Variants in PTCHD4 observed in about 807,000 individuals in gnomAD.
The protein encoded by PTCHD4 is patched domain containing 4, also known as patched domain-containing protein 4.
PTCHD4 carries 33 observed loss-of-function variants against 58.1 expected under a neutral mutation model. That is an observed-to-expected ratio of 0.57 (90% confidence interval 0.43 to 0.76). The LOEUF is 0.76. Ranked by LOEUF, PTCHD4 falls within the 30% of genes least tolerant of loss-of-function variation. The pLI, the probability that PTCHD4 is intolerant of heterozygous loss-of-function variation, is 0.00. For synonymous variants in PTCHD4, 478 were observed against 409.6 expected (o/e 1.17, Z -2.02); for missense variants, 1,058 against 1,027.1 (o/e 1.03, Z -0.41).
rs1764863184 is a variant in PTCHD4 at position 48,068,213 on chromosome 6, T to C, written c.417+17A>G. 1.9e-6 allele frequency: 3 copies of C among 1,539,696 alleles called. No homozygotes were observed. Among genetic ancestry groups the C allele is most frequent in the East Asian group, 2.3e-5 (1 of 44,094 alleles). The stretch of plus-strand genomic sequence containing the variant: ...ACACAGATGGGAAAAAGTATAATTA[T>C]AGCCCTTGTGGTTCACCTTCATTTC... On this transcript the variant is annotated intron_variant, in intron 3 of 4. Transcript: ENST00000339488. The surrounding 1 kb of genome is among the most constrained non-coding windows in gnomAD (Gnocchi z 4.2).
intron 4 of PTCHD4, among the ~76,000 whole-genome samples, chr6:47,920,728 T>C (rs1328501650): frequency 2.0e-5 from 3 of 151,940 alleles, no homozygotes; most frequent in East Asian, 3.9e-4. Flanking sequence ...AAGACATAAG[T>C]CTGGACAAAC....
At chr6:47,945,822 A>AATAATAT (rs1766395526) in intron 4 of PTCHD4, among the ~76,000 whole-genome samples, 1 of 151,726 alleles carries the variant, frequency 6.6e-6, no homozygotes, top group Non-Finnish European at 1.5e-5. Flanking sequence ...AATTTTCTTC[A>AATAATAT]TAAAGCTCTT....
At chr6:48,032,075 A>ATT (rs572807864) in intron 3 of PTCHD4, among the ~76,000 whole-genome samples, 27,028 of 149,410 alleles carry the variant, frequency 0.18, 2,739 homozygotes, top group Non-Finnish European at 0.24. Context: ...AACCCCAGGC[A>ATT]TTTTTTTTTT....
At position 48,027,711 on chromosome 6, in the gene PTCHD4, C is replaced by T. The variant is rs377533567; in HGVS notation, c.418-18597G>A. Among the ~76,000 whole-genome samples the T allele has an allele frequency of 5.9e-5, 9 of 152,168 alleles. No homozygotes were observed. The East Asian group carries it at 1.4e-3, about 23-fold the overall frequency. On this transcript the variant is annotated intron_variant, in intron 3 of 4. Coordinates refer to ENST00000339488, the MANE Select transcript of PTCHD4 (RefSeq NM_001384253.1). ...AAATATATTTGGGTCTGTTGGTAAA[C>T]ATGAAGAATTGTACTATGAAGAAGT...
At position 48,058,357 on chromosome 6, in the gene PTCHD4, T is replaced by C. The variant is rs139680903; in HGVS notation, c.417+9873A>G. 3.0e-3 allele frequency among the ~76,000 whole-genome samples: 453 copies of C among 152,350 alleles called. 1 individual carries two copies. Among genetic ancestry groups the C allele is most frequent in the Non-Finnish European group, 4.9e-3 (331 of 68,026 alleles). ...GACTACACTTTGAGAACTACTGCTGTAGAATGATTATGGTCCGATGATTAA... is the reference window on the plus strand; with the variant it reads ...GACTACACTTTGAGAACTACTGCTGCAGAATGATTATGGTCCGATGATTAA... On this transcript the variant is annotated intron_variant, in intron 3 of 4. Coordinates refer to ENST00000339488, the MANE Select transcript of PTCHD4 (RefSeq NM_001384253.1).
intron 1 of PTCHD4, among the ~76,000 whole-genome samples, chr6:48,071,191 T>C (rs1038928541): frequency 2.0e-5 from 3 of 152,202 alleles, no homozygotes; most frequent in African/African-American, 7.2e-5. Context: ...GTCAGTGTTA[T>C]TGTCTTTTTT....
chr6:47,939,966 C>T (rs1766148425), intron 4 of PTCHD4, among the ~76,000 whole-genome samples: 1 of 151,956 alleles, frequency 6.6e-6, no homozygotes, highest in Admixed American at 6.6e-5. Flanking sequence ...GATCTGACTC[C>T]CCATAACAAA....
chr6:48,050,516 T>C (rs993061900), intron 3 of PTCHD4, among the ~76,000 whole-genome samples: 1 of 152,030 alleles, frequency 6.6e-6, no homozygotes, highest in South Asian at 2.1e-4. Flanking sequence ...CCAATCTGAG[T>C]GGACTTTAAC....
intron 4 of PTCHD4, among the ~76,000 whole-genome samples, chr6:47,979,477 TA>T (rs1185435841): frequency 5.9e-5 from 9 of 152,110 alleles, no homozygotes; most frequent in African/African-American, 2.2e-4. Flanking sequence ...AGCTATGTGA[TA>T]AAAAAGTGTA....
intron 3 of PTCHD4, among the ~76,000 whole-genome samples, chr6:48,009,815 C>A (rs148930972): frequency 0.01 from 1,581 of 152,272 alleles, 29 homozygotes; most frequent in African/African-American, 0.036. Flanking sequence ...TGACAGTAGA[C>A]AAATCCCCTA....
At chr6:48,109,452 C>T (rs1765815207) in intron 1 of PTCHD4, among the ~76,000 whole-genome samples, 1 of 151,970 alleles carries the variant, frequency 6.6e-6, no homozygotes, top group Non-Finnish European at 1.5e-5. Context: ...TTTAGTGAGA[C>T]CTGGAACTAT....
At chr6:47,990,151 G>T (rs1024946068) in intron 4 of PTCHD4, among the ~76,000 whole-genome samples, 6 of 152,144 alleles carry the variant, frequency 3.9e-5, no homozygotes, top group Non-Finnish European at 5.9e-5. Flanking sequence ...CCTTTGGAAT[G>T]ACTATATTTA....
chr6:47,955,064 C>G (rs1247570936), intron 4 of PTCHD4, among the ~76,000 whole-genome samples: 1 of 152,210 alleles, frequency 6.6e-6, no homozygotes, highest in Non-Finnish European at 1.5e-5. Context: ...GCCATCCCAG[C>G]TGACTCTGAG....
At chr6:48,065,768 A>T (rs1443396675) in intron 3 of PTCHD4, among the ~76,000 whole-genome samples, 2 of 152,242 alleles carry the variant, frequency 1.3e-5, no homozygotes, top group African/African-American at 4.8e-5. Context: ...ACATAGTTTA[A>T]AGACTCCCAC....
intron 3 of PTCHD4, 49 bp from the exon 4 acceptor site, chr6:48,009,163 G>A: frequency 6.5e-7 from 1 of 1,526,872 alleles, no homozygotes; most frequent in South Asian, 1.3e-5. Context: ...TATATTCCAG[G>A]GAATAGATTC....
chr6:48,081,991 G>T (rs1299250839), intron 1 of PTCHD4, among the ~76,000 whole-genome samples: 2 of 152,180 alleles, frequency 1.3e-5, no homozygotes, highest in East Asian at 1.9e-4. Flanking sequence ...CAAAGGCCCT[G>T]TTCATTCTGA....
intron 3 of PTCHD4, among the ~76,000 whole-genome samples, chr6:48,019,472 C>T (rs961211573): frequency 6.6e-6 from 1 of 152,118 alleles, no homozygotes. Context: ...CGCTGTGGCT[C>T]ACGCCTGTAA....
At chr6:48,106,077 G>A (rs1255025250) in intron 1 of PTCHD4, among the ~76,000 whole-genome samples, 1 of 152,318 alleles carries the variant, frequency 6.6e-6, no homozygotes, top group East Asian at 1.9e-4. Flanking sequence ...TAGAAAATGA[G>A]AGAATCCTCC....
At chr6:48,070,911 T>C (rs1764964845) in intron 1 of PTCHD4, among the ~76,000 whole-genome samples, 1 of 152,262 alleles carries the variant, frequency 6.6e-6, no homozygotes, top group African/African-American at 2.4e-5. Context: ...ACATTAAATA[T>C]ACTTGGCTAT....
Sources: gnomAD v4.1 joint callset for allele counts (sites outside exome capture counted in the v4.1 genomes callset) on GRCh38, gnomAD v4.1.1 for gene constraint, Gnocchi (gnomAD v3.1) non-coding constraint, MANE v1.5 for transcripts, NCBI Gene and HGNC (gene_info 2026-07-23, HGNC 2026-07-21) for gene names.